Variants in KRT5 observed in about 807,000 individuals in gnomAD.
KRT5 encodes the protein keratin 5.
Under a neutral mutation model 44.0 loss-of-function variants are expected in KRT5, and 17 were observed. The observed-to-expected ratio is 0.39, with a 90% CI of 0.26 to 0.58. The LOEUF is 0.58. Among genes scored for constraint, KRT5 ranks in the 20% least tolerant of loss-of-function variants. The pLI is 0.61. For synonymous variants in KRT5, 329 were observed against 312.8 expected (o/e 1.05, Z -0.55); for missense variants, 737 against 785.5 (o/e 0.94, Z 0.74).
At chr12:52,518,789 C>G (rs1252678949) in intron 2 of KRT5, among the ~76,000 whole-genome samples, 157 bp downstream of exon 2, 1 of 152,176 alleles carries the variant, frequency 6.6e-6, no homozygotes, top group African/African-American at 2.4e-5. Flanking sequence ...ATGAGCCTGG[C>G]TTGTGTATTT....
Position 52,519,891 on chromosome 12 carries a change from G to T in KRT5, c.406C>A (p.Pro136Thr). The change falls in exon 1 of 9, where the codon CCT (proline) becomes ACT (threonine). Residue 136 changes from proline to threonine, a missense_variant. Coordinates refer to ENST00000252242, the MANE Select transcript of KRT5 (RefSeq NM_000424.4). ...GTGACCTCTTGGATACCTCCAGGAG[G>T]GCAGACAGGAAAGCCAGGGCCACCG... ...GFGGPGFPVC[P>T]PGGIQEVTVN... 1 of 1,613,852 alleles carries T rather than the reference G, an allele frequency of 6.2e-7. No homozygotes were observed. The highest frequency in any genetic ancestry group is 8.5e-7 in the Non-Finnish European group (1 of 1,179,984).
rs375333850 is a variant in KRT5, at chr12:52,520,037, A to G, written c.260T>C (p.Phe87Ser). ...STSGGSFRNR[F>S]GAGAGGGYGF... ...ATAGCCGCCTCCAGCACCAGCACCA[A>G]ACCGGTTCCTGAAGCTGCCACCACT... Residue 87 changes from phenylalanine (F) to serine (S), a missense_variant, in exon 1 of 9, where the codon TTT becomes TCT. Coordinates refer to ENST00000252242, the MANE Select transcript of KRT5 (RefSeq NM_000424.4). 4.3e-6 allele frequency: 7 copies of G among 1,613,606 alleles called. No individual in the cohort carries two copies. Among genetic ancestry groups the G allele is most frequent in the Non-Finnish European group, 5.9e-6 (7 of 1,179,760 alleles).
rs758612631 is a variant in KRT5 at position 52,514,891 on chromosome 12, C to T, written c.*51G>A. On this transcript the variant is annotated 3_prime_UTR_variant, in exon 9 of 9. Transcript: ENST00000252242. ...TGAGCAACTGCCTAGAAGAGGCAAT[C>T]TCCATGGGCTGGGTTGCTGCACTTG... 8.6e-6 allele frequency: 13 copies of T among 1,519,046 alleles called. No homozygotes were observed. The South Asian group carries it at 1.2e-4, about 14-fold the overall frequency. The allele number at this position is 1,519,046 out of a possible 1,614,324, so 94.1% of individuals were successfully genotyped here. A position where few individuals can be genotyped will look rare whatever the true frequency, so the allele number is the denominator to read the frequency against.
chr12:52,519,671 C>T, intron 1 of KRT5, 71 bp downstream of exon 1: 1 of 1,451,338 alleles, frequency 6.9e-7, no homozygotes, highest in Admixed American at 1.7e-5. Flanking sequence ...GCCAAAACAT[C>T]TTCCTTCTTT....
intron 1 of KRT5, 122 bp from the exon 2 acceptor site, chr12:52,519,282 C>G (rs1938670212): frequency 2.1e-6 from 3 of 1,452,178 alleles, no homozygotes; most frequent in African/African-American, 1.4e-5. Flanking sequence ...GTGCCTGGCC[C>G]TGGGCCCCAG....
rs374232804 is a variant in KRT5, at chr12:52,519,757, G to A, written c.540C>T (p.Ala180=). 5.0e-6 allele frequency: 8 copies of A among 1,613,862 alleles called. No individual in the cohort carries two copies. The African/African-American group carries it at 9.3e-5, about 19-fold the overall frequency. The change falls in exon 1 of 9, where the codon GCC becomes GCT. Residue 180 remains alanine (A), a synonymous_variant. Coordinates refer to ENST00000252242, the MANE Select transcript of KRT5 (RefSeq NM_000424.4). The part of the protein sequence containing the change: ...EQIKTLNNKF[A]SFIDKVRFLE... ...CGTAGCTCACCTTGTCGATGAAGGA[G>A]GCAAACTTATTGTTGAGGGTCTTGA...
rs1487038512 is a variant in KRT5, at chr12:52,514,904, G to A, written c.*38C>T. The A allele has an allele frequency of 6.4e-7, 1 of 1,567,478 alleles. No individual in the cohort carries two copies. The highest frequency in any genetic ancestry group is 1.1e-5 in the South Asian group (1 of 90,098). On this transcript the variant is annotated 3_prime_UTR_variant, in exon 9 of 9. Coordinates refer to ENST00000252242, the MANE Select transcript of KRT5 (RefSeq NM_000424.4). ...AGAAGAGGCAATCTCCATGGGCTGGGTTGCTGCACTTGGAAGGCAGTGACT... is the reference window on the plus strand; with the variant it reads ...AGAAGAGGCAATCTCCATGGGCTGGATTGCTGCACTTGGAAGGCAGTGACT...
Position 52,515,101 on chromosome 12 carries a change from C to A in KRT5, c.1614G>T (p.Gly538=), listed in dbSNP as rs1415372099. 6.2e-7 allele frequency: 1 copy of A among 1,612,304 alleles called. No homozygotes were observed. The highest frequency in any genetic ancestry group is 1.7e-5 in the Admixed American group (1 of 59,768). ...TGAGCCCACCACCTAGGCCGACACC[C>A]CCACTGCTGCTGGAGTAGTAGCTTC... ...SSGSYYSSSS[G]GVGLGGGLSV... is the part of the protein sequence containing the mutation. The change falls in exon 9 of 9, where the codon GGG becomes GGT. Residue 538 remains glycine, a synonymous_variant. Transcript: ENST00000252242.
chr12:52,514,838 A>G lies in KRT5; in HGVS notation c.*104T>C, dbSNP rs1176469732. 8 of 1,013,322 alleles carry G rather than the reference A, an allele frequency of 7.9e-6. No individual in the cohort carries two copies. The East Asian group carries it at 1.7e-4, about 21-fold the overall frequency. 62.8% of individuals were successfully genotyped at this position (1,013,322 alleles called of 1,614,324 possible). Reference sequence around the variant, plus strand: ...TTCTGCAATTGGCTTGGTCTAGACTACTCTCCAGAAAAGGATAAAACATGG... The same window carrying G: ...TTCTGCAATTGGCTTGGTCTAGACTGCTCTCCAGAAAAGGATAAAACATGG... On this transcript the variant is annotated 3_prime_UTR_variant, in exon 9 of 9. Transcript: ENST00000252242.
chr12:52,517,052 G>T, intron 6 of KRT5, 55 bp downstream of exon 6: 1 of 1,605,176 alleles, frequency 6.2e-7, no homozygotes, highest in Admixed American at 1.7e-5. Flanking sequence ...AAACAAAGTA[G>T]GTGTTTCTTT....
At chr12:52,518,425 C>T (rs1441406874) in intron 2 of KRT5, 21 of 644,692 alleles carry the variant, frequency 3.3e-5, no homozygotes, top group Non-Finnish European at 5.7e-5. Context: ...TGCAGAAAAG[C>T]TGTGCTGTTT....
intron 7 of KRT5, chr12:52,516,162 C>A: frequency 2.1e-6 from 1 of 469,804 alleles, no homozygotes; most frequent in Non-Finnish European, 3.8e-6. Context: ...GAACTTGGCA[C>A]GGACAGAAAT....
chr12:52,516,892 G>T, intron 6 of KRT5, 35 bp from the exon 7 acceptor site: 1 of 1,609,528 alleles, frequency 6.2e-7, no homozygotes. Context: ...GGGTTGCTTG[G>T]GACCTGAGGT....
Position 52,514,785 on chromosome 12 carries a change from G to T in KRT5, c.*157C>A. ...CACGGGAGACCAGGGGCTGGGAATGGGGCTCTCCTGGGAACCAAAGAATGT... is the reference window on the plus strand; with the variant it reads ...CACGGGAGACCAGGGGCTGGGAATGTGGCTCTCCTGGGAACCAAAGAATGT... On this transcript the variant is annotated 3_prime_UTR_variant, in exon 9 of 9. Coordinates refer to ENST00000252242, the MANE Select transcript of KRT5 (RefSeq NM_000424.4). 1.5e-6 allele frequency: 1 copy of T among 675,626 alleles called. No individual in the cohort carries two copies. The highest frequency in any genetic ancestry group is 2.6e-6 in the Non-Finnish European group (1 of 388,238). The allele number at this position is 675,626 out of a possible 1,614,324, so 41.9% of individuals were successfully genotyped here.
In KRT5 at chr12:52,514,866, T is replaced by C. The variant is rs1938578015; in HGVS notation, c.*76A>G. 3 of 1,279,316 alleles carry C rather than the reference T, an allele frequency of 2.3e-6. No individual in the cohort carries two copies. Among genetic ancestry groups the C allele is most frequent in the African/African-American group, 1.5e-5 (1 of 68,468 alleles). 79.2% of individuals were successfully genotyped at this position (1,279,316 alleles called of 1,614,324 possible). A position where few individuals can be genotyped will look rare whatever the true frequency, so the allele number is the denominator to read the frequency against. Reference sequence around the variant, plus strand: ...CTCCAGAAAAGGATAAAACATGGCTTGAGCAACTGCCTAGAAGAGGCAATC... The same window carrying C: ...CTCCAGAAAAGGATAAAACATGGCTCGAGCAACTGCCTAGAAGAGGCAATC... On this transcript the variant is annotated 3_prime_UTR_variant, in exon 9 of 9. Transcript: ENST00000252242.
Position 52,520,238 on chromosome 12 carries a change from G to T in KRT5, c.59C>A (p.Ala20Asp). The T allele has an allele frequency of 6.2e-7, 1 of 1,614,030 alleles. No homozygotes were observed. The highest frequency in any genetic ancestry group is 8.5e-7 in the Non-Finnish European group (1 of 1,180,038). ...GGAGACAGACGGGGTGATGGCAGAG[G>T]CGGTGCTGAAGCTACGACTGCCCCC... ...RSGGSRSFSTASAITPSVSRT... is the reference protein window; with the variant it reads ...RSGGSRSFSTDSAITPSVSRT... Residue 20 changes from alanine to aspartate, a missense_variant, in exon 1 of 9, where the codon GCC (alanine) becomes GAC (aspartate). By Grantham distance (126) the Ala-to-Asp change is moderately radical. This residue lies in a region of KRT5 where 326 missense variants were observed against 333.1 expected (regional missense o/e 0.98). Transcript: ENST00000252242.
At chr12:52,516,333 A>G (rs12231139) in intron 7 of KRT5, 58,996 of 437,408 alleles carry the variant, frequency 0.13, 4,390 homozygotes, top group Middle Eastern at 0.18. Flanking sequence ...TGGGCATGAC[A>G]TGGATATTGA....
In KRT5 at chr12:52,516,831, C is replaced by G. The variant is rs764080871; in HGVS notation, c.1245G>C (p.Ala415=). 1 of 1,614,178 alleles carries G rather than the reference C, an allele frequency of 6.2e-7. No homozygotes were observed. Among genetic ancestry groups the G allele is most frequent in the South Asian group, 1.1e-5 (1 of 91,082 alleles). Residue 415 remains alanine (A), a synonymous_variant, in exon 7 of 9, where the codon GCG becomes GCC. Transcript: ENST00000252242. Reference sequence around the variant, plus strand: ...CCAGCTCCCCACGCTGCTCGGCATCCGCAATGGCGTTCTGCAGATTGGCGC... The same window carrying G: ...CCAGCTCCCCACGCTGCTCGGCATCGGCAATGGCGTTCTGCAGATTGGCGC... ...KQCANLQNAI[A]DAEQRGELAL...
At position 52,516,379 on chromosome 12, in the gene KRT5, C is replaced by T. The variant is rs116384359; in HGVS notation, c.1439+258G>A. 702 of 517,350 alleles carry T rather than the reference C, an allele frequency of 1.4e-3. 3 individuals are homozygous for T. The highest frequency in any genetic ancestry group is 0.013 in the African/African-American group (658 of 52,208). The allele number at this position is 517,350 out of a possible 1,614,324, so 32.0% of individuals were successfully genotyped here. ...AGGACGTGAGCAAAAGCAGAAAAGG[C>T]ACAAGTGTCAAGAAGATTGCTGAGT... On this transcript the variant is annotated intron_variant, in intron 7 of 8. Transcript: ENST00000252242.
Sources: gnomAD v4.1 joint callset for allele counts (sites outside exome capture counted in the v4.1 genomes callset) on GRCh38, gnomAD v4.1.1 for gene constraint, gnomAD v4.1.1 regional missense constraint, MANE v1.5 for transcripts, NCBI Gene and HGNC (gene_info 2026-07-23, HGNC 2026-07-21) for gene names.